Variants in ZCCHC17 observed in about 807,000 individuals in gnomAD.
ZCCHC17 encodes the protein zinc finger CCHC domain-containing protein 17.
ZCCHC17 carries 18 observed loss-of-function variants against 30.6 expected under a neutral mutation model. That is an observed-to-expected ratio of 0.59 (90% confidence interval 0.41 to 0.87). ZCCHC17 has a LOEUF of 0.87. Among genes scored for constraint, ZCCHC17 ranks in the 40% least tolerant of loss-of-function variants. ZCCHC17 has a pLI of 0.00. For missense variants in ZCCHC17, 263 were observed against 284.2 expected (o/e 0.93, Z 0.54); for synonymous variants, 88 against 92.4 (o/e 0.95, Z 0.27).
At chr1:31,335,383 GATTT>G (rs1464893548) in intron 3 of ZCCHC17, among the ~76,000 whole-genome samples, 3 of 152,254 alleles carry the variant, frequency 2.0e-5, no homozygotes, top group South Asian at 4.1e-4. Flanking sequence ...AATATTATTT[GATTT>G]ATTTTTGAGA....
intron 3 of ZCCHC17, among the ~76,000 whole-genome samples, chr1:31,325,400 C>G (rs767120660): frequency 5.3e-5 from 8 of 152,230 alleles, no homozygotes; most frequent in African/African-American, 1.2e-4. Context: ...GCTGTGACAC[C>G]TCTTTGGGGC....
intron 2 of ZCCHC17, among the ~76,000 whole-genome samples, chr1:31,317,277 G>T (rs1216828281): frequency 6.6e-6 from 1 of 152,012 alleles, no homozygotes; most frequent in Non-Finnish European, 1.5e-5. Flanking sequence ...CACCTGCCTC[G>T]CCCTTTCAAA....
At position 31,323,448 on chromosome 1, in the gene ZCCHC17, A is replaced by G. The variant is rs535655932; in HGVS notation, c.124+4282A>G. Among the ~76,000 whole-genome samples, 175 of 152,120 alleles carry G rather than the reference A, an allele frequency of 1.2e-3. 2 individuals carry two copies. Among genetic ancestry groups the G allele is most frequent in the African/African-American group, 4.1e-3 (171 of 41,488 alleles). On this transcript the variant is annotated intron_variant, in intron 3 of 7. Coordinates refer to ENST00000344147, the MANE Select transcript of ZCCHC17 (RefSeq NM_016505.4). ...GCCATTCTCCTGTCTCAGCCTCCCA[A>G]GTAGCTGGGACTACAGGCACCCGCC...
At chr1:31,340,268 C>A (rs972908254) in intron 5 of ZCCHC17, among the ~76,000 whole-genome samples, 1 of 146,906 alleles carries the variant, frequency 6.8e-6, no homozygotes, top group Non-Finnish European at 1.5e-5. Context: ...AATTTCTCAT[C>A]GGAGGTTCTT....
intron 1 of ZCCHC17, among the ~76,000 whole-genome samples, chr1:31,306,165 A>G (rs1646451058): frequency 6.6e-6 from 1 of 152,178 alleles, no homozygotes; most frequent in African/African-American, 2.4e-5. Flanking sequence ...CATTCTTACT[A>G]TAGATCTTAG....
chr1:31,337,090 C>T, intron 3 of ZCCHC17, 85 bp from the exon 4 acceptor site: 5 of 1,283,444 alleles, frequency 3.9e-6, no homozygotes, highest in African/African-American at 1.5e-5. Flanking sequence ...CCTTGCATTC[C>T]CCAACTCTTA....
intron 4 of ZCCHC17, among the ~76,000 whole-genome samples, chr1:31,337,493 T>C (rs1415742241): frequency 6.6e-6 from 1 of 152,148 alleles, no homozygotes; most frequent in Non-Finnish European, 1.5e-5. Flanking sequence ...GTGCAATAAG[T>C]GCACGTTTGT....
At chr1:31,309,640 T>C (rs1646549464) in intron 1 of ZCCHC17, among the ~76,000 whole-genome samples, 1 of 152,200 alleles carries the variant, frequency 6.6e-6, no homozygotes, top group Admixed American at 6.5e-5. Context: ...CGAGATTGCA[T>C]GTCTAGTGCT....
chr1:31,304,250 A>G (rs1275342107), intron 1 of ZCCHC17, among the ~76,000 whole-genome samples: 1 of 151,262 alleles, frequency 6.6e-6, no homozygotes, highest in East Asian at 1.9e-4. Context: ...GACTGACTGT[A>G]TCTATCTTAA....
intron 3 of ZCCHC17, among the ~76,000 whole-genome samples, chr1:31,336,046 TTATTTATG>T (rs1638803261): frequency 6.6e-6 from 1 of 152,200 alleles, no homozygotes; most frequent in African/African-American, 2.4e-5. Flanking sequence ...ATACCGCAAG[TTATTTATG>T]TATTTATGTA....
intron 3 of ZCCHC17, among the ~76,000 whole-genome samples, chr1:31,334,363 G>A (rs1487610273): frequency 1.3e-5 from 2 of 149,738 alleles, no homozygotes; most frequent in African/African-American, 2.5e-5. Context: ...GTGTGTGTGT[G>A]TGTGTGTGTG....
intron 7 of ZCCHC17, 97 bp downstream of exon 7, chr1:31,349,071 G>A: frequency 7.2e-7 from 1 of 1,383,576 alleles, no homozygotes; most frequent in African/African-American, 1.5e-5. Context: ...TGTAGTCCCA[G>A]CTACTTGGGA....
intron 1 of ZCCHC17, chr1:31,297,277 AC>A (rs1646186619): frequency 5.0e-6 from 2 of 398,056 alleles, no homozygotes; most frequent in Non-Finnish European, 8.9e-6. Flanking sequence ...TGGCGGCAAG[AC>A]CCAGCCCCTG....
At chr1:31,316,251 G>A (rs1646729848) in intron 2 of ZCCHC17, among the ~76,000 whole-genome samples, 1 of 152,152 alleles carries the variant, frequency 6.6e-6, no homozygotes, top group African/African-American at 2.4e-5. Context: ...ACAGGCATGT[G>A]CCGCCATGCC....
At chr1:31,329,857 G>T (rs1638513481) in intron 3 of ZCCHC17, among the ~76,000 whole-genome samples, 1 of 152,080 alleles carries the variant, frequency 6.6e-6, no homozygotes, top group Non-Finnish European at 1.5e-5. Flanking sequence ...CATATTTTAG[G>T]GTCTTGAGTT....
At chr1:31,329,307 T>C (rs886597768) in intron 3 of ZCCHC17, among the ~76,000 whole-genome samples, 1 of 152,218 alleles carries the variant, frequency 6.6e-6, no homozygotes, top group Non-Finnish European at 1.5e-5. Context: ...GCTACATGAC[T>C]AGTGACTATC....
intron 1 of ZCCHC17, among the ~76,000 whole-genome samples, chr1:31,300,034 C>T (rs1372245349): frequency 6.6e-6 from 1 of 152,126 alleles, no homozygotes; most frequent in African/African-American, 2.4e-5. Flanking sequence ...TCTACTTCCC[C>T]CAGACCCTCT....
intron 1 of ZCCHC17, among the ~76,000 whole-genome samples, chr1:31,299,683 A>G (rs972561134): frequency 1.3e-5 from 2 of 152,214 alleles, no homozygotes; most frequent in African/African-American, 4.8e-5. Context: ...TTTGTGGGTT[A>G]GGTGTTGTTC....
intron 1 of ZCCHC17, 106 bp downstream of exon 1, chr1:31,297,181 G>A (rs954376807): frequency 5.0e-6 from 2 of 400,860 alleles, no homozygotes; most frequent in African/African-American, 4.1e-5. Flanking sequence ...TGACAGCAAG[G>A]GGTGGGAGGC....
Sources: gnomAD v4.1 joint callset for allele counts (sites outside exome capture counted in the v4.1 genomes callset) on GRCh38, gnomAD v4.1.1 for gene constraint, MANE v1.5 for transcripts, NCBI Gene and HGNC (gene_info 2026-07-23, HGNC 2026-07-21) for gene names.